The following GULP1 variants were observed in gnomAD, a reference collection of about 807,000 sequenced individuals.
GULP1 encodes the protein PTB domain-containing engulfment adapter protein 1.
GULP1 carries 19 observed loss-of-function variants against 40.9 expected under a neutral mutation model. The observed-to-expected ratio is 0.46, with a 90% CI of 0.32 to 0.68. GULP1 has a LOEUF of 0.68. Ranked by LOEUF, GULP1 falls within the 30% of genes least tolerant of loss-of-function variation. GULP1 has a pLI of 0.03. For synonymous variants in GULP1, 119 were observed against 117.6 expected, an observed-to-expected ratio of 1.01 and a Z score of -0.08; for missense variants, 312 against 362.2, an observed-to-expected ratio of 0.86 and a Z score of 1.12.
chr2:188,594,118 T>C lies in GULP1; in HGVS notation c.*107T>C, dbSNP rs538257992. 3.4e-6 allele frequency: 2 copies of C among 591,900 alleles called. No homozygotes were observed. The highest frequency in any genetic ancestry group is 1.9e-5 in the African/African-American group (1 of 53,424). The allele number at this position is 591,900 out of a possible 1,614,324, so 36.7% of individuals were successfully genotyped here. A position where few individuals can be genotyped will look rare whatever the true frequency, so the allele number is the denominator to read the frequency against. On this transcript the variant is annotated 3_prime_UTR_variant, in exon 12 of 12. Transcript: ENST00000409830. ...TTATTCATGTGTCAATGTTTTTGAATATTTTAATATTTTGAAAATTTTCTC... is the reference window on the plus strand; with the variant it reads ...TTATTCATGTGTCAATGTTTTTGAACATTTTAATATTTTGAAAATTTTCTC...
chr2:188,458,155 C>T (rs2059415799), intron 2 of GULP1, among the ~76,000 whole-genome samples: 1 of 152,174 alleles, frequency 6.6e-6, no homozygotes, highest in African/African-American at 2.4e-5. Context: ...AGTCAGCCTT[C>T]CCTTCTCTTA....
chr2:188,427,885 A>G (rs1419359927), intron 2 of GULP1, among the ~76,000 whole-genome samples: 1 of 152,200 alleles, frequency 6.6e-6, no homozygotes, highest in African/African-American at 2.4e-5. Context: ...AATGGTAGAT[A>G]CAATGGCAGC....
chr2:188,324,720 C>T (rs1204547441), intron 1 of GULP1, among the ~76,000 whole-genome samples: 2 of 151,776 alleles, frequency 1.3e-5, no homozygotes, highest in African/African-American at 4.8e-5. Flanking sequence ...GAAGTGTAGG[C>T]TCATTATGTT....
At chr2:188,516,311 T>G (rs1017819909) in intron 4 of GULP1, among the ~76,000 whole-genome samples, 5 of 152,230 alleles carry the variant, frequency 3.3e-5, no homozygotes, top group South Asian at 4.1e-4. Context: ...TTGAAGTTAC[T>G]TTCTTCCATT....
At chr2:188,498,058 C>T (rs1490872137) in intron 4 of GULP1, among the ~76,000 whole-genome samples, 2 of 151,856 alleles carry the variant, frequency 1.3e-5, no homozygotes, top group Admixed American at 1.3e-4. Flanking sequence ...TTGACTTATA[C>T]TAAGGAGCAT....
At chr2:188,344,137 T>C (rs563228129) in intron 1 of GULP1, among the ~76,000 whole-genome samples, 1 of 152,310 alleles carries the variant, frequency 6.6e-6, no homozygotes, top group South Asian at 2.1e-4. Flanking sequence ...GTTTTGCACA[T>C]ATATAACGTG....
At chr2:188,420,601 G>A (rs2152763868) in intron 2 of GULP1, among the ~76,000 whole-genome samples, 1 of 152,302 alleles carries the variant, frequency 6.6e-6, no homozygotes, top group Non-Finnish European at 1.5e-5. Flanking sequence ...GAGGGTGTAA[G>A]TCAGAATAGA....
intron 2 of GULP1, among the ~76,000 whole-genome samples, chr2:188,461,022 T>C (rs2059660573): frequency 6.6e-6 from 1 of 152,236 alleles, no homozygotes; most frequent in Non-Finnish European, 1.5e-5. Flanking sequence ...AAATGTATTG[T>C]TGAATTTGGT....
At chr2:188,421,752 C>T (rs1285670798) in intron 2 of GULP1, among the ~76,000 whole-genome samples, 8 of 152,058 alleles carry the variant, frequency 5.3e-5, no homozygotes, top group Non-Finnish European at 1.2e-4. Flanking sequence ...ACTCCAATGC[C>T]TGCTTAATTT....
intron 11 of GULP1, chr2:188,589,620 T>C: frequency 4.4e-6 from 2 of 454,096 alleles, no homozygotes; most frequent in Non-Finnish European, 7.9e-6. Flanking sequence ...TGAGACACAA[T>C]GTATTGGGAT....
intron 4 of GULP1, among the ~76,000 whole-genome samples, chr2:188,513,461 G>A (rs2064818681): frequency 6.6e-6 from 1 of 152,064 alleles, no homozygotes; most frequent in African/African-American, 2.4e-5. Flanking sequence ...AGTAATTGAT[G>A]AGGTTTTGTT....
chr2:188,545,914 TC>T (rs1280870180), intron 7 of GULP1, among the ~76,000 whole-genome samples: 1 of 151,792 alleles, frequency 6.6e-6, no homozygotes, highest in Non-Finnish European at 1.5e-5. Flanking sequence ...CAACCATTAT[TC>T]AGAGAAAGCA....
chr2:188,421,690 T>C (rs1347110996), intron 2 of GULP1, among the ~76,000 whole-genome samples: 1 of 152,166 alleles, frequency 6.6e-6, no homozygotes, highest in Non-Finnish European at 1.5e-5. Flanking sequence ...TGATAGATTA[T>C]ATAGATAGAT....
Position 188,377,171 on chromosome 2 carries a change from C to CA in GULP1, c.-171-6579dup, listed in dbSNP as rs879640577. Among the ~76,000 whole-genome samples, 138 of 113,824 alleles carry CA rather than the reference C, an allele frequency of 1.2e-3. 1 individual carries two copies. Among genetic ancestry groups the CA allele is most frequent in the Admixed American group, 2.9e-3 (31 of 10,770 alleles). 74.7% of individuals were successfully genotyped at this position (113,824 alleles called of 152,430 possible). A position where few individuals can be genotyped will look rare whatever the true frequency, so the allele number is the denominator to read the frequency against. On this transcript the variant is annotated intron_variant, in intron 1 of 11. Coordinates refer to ENST00000409830, the MANE Select transcript of GULP1 (RefSeq NM_016315.4). Reference sequence around the variant, plus strand: ...TGGGCAACAGAGCGAGACTCCATCTCAAAAAAAAAAAAAGAAAGAATTTGA... The same window carrying CA: ...TGGGCAACAGAGCGAGACTCCATCTCAAAAAAAAAAAAAAGAAAGAATTTGA...
chr2:188,534,435 A>G (rs888684215), intron 6 of GULP1, among the ~76,000 whole-genome samples: 2 of 152,136 alleles, frequency 1.3e-5, no homozygotes, highest in African/African-American at 2.4e-5. Context: ...GGGTACTTAT[A>G]CTGGGTACTC....
chr2:188,533,812 G>C (rs1475848045), intron 6 of GULP1, among the ~76,000 whole-genome samples: 3 of 152,086 alleles, frequency 2.0e-5, no homozygotes, highest in African/African-American at 7.2e-5. Context: ...CGATTAAAAA[G>C]TGGGAAAAAG....
chr2:188,391,894 T>G (rs1018670824), intron 2 of GULP1, among the ~76,000 whole-genome samples: 13 of 152,056 alleles, frequency 8.5e-5, no homozygotes, highest in Admixed American at 1.3e-4. Context: ...TAATTCTCTT[T>G]AGGTGATGTG....
At chr2:188,520,979 A>G (rs2065706815) in intron 4 of GULP1, among the ~76,000 whole-genome samples, 1 of 151,952 alleles carries the variant, frequency 6.6e-6, no homozygotes, top group South Asian at 2.1e-4. Flanking sequence ...ACTTTACTGT[A>G]TTTTCCCTTC....
At chr2:188,450,342 TTAAG>T (rs1372720261) in intron 2 of GULP1, among the ~76,000 whole-genome samples, 1 of 152,152 alleles carries the variant, frequency 6.6e-6, no homozygotes, top group Non-Finnish European at 1.5e-5. Context: ...TAAATAACAG[TTAAG>T]TGTGTATAAT....
Sources: gnomAD v4.1 joint callset for allele counts (sites outside exome capture counted in the v4.1 genomes callset) on GRCh38, gnomAD v4.1.1 for gene constraint, MANE v1.5 for transcripts, NCBI Gene and HGNC (gene_info 2026-07-23, HGNC 2026-07-21) for gene names.